Variants in SMAD2 observed in about 807,000 individuals in gnomAD.
SMAD2 encodes the protein SMAD family member 2, also known as MAD homolog 2.
In SMAD2, 8 loss-of-function variants were observed where a neutral mutation model predicts 64.4. The observed-to-expected ratio is 0.12, with a 90% CI of 0.07 to 0.22. SMAD2 has a LOEUF of 0.22. Ranked by LOEUF, SMAD2 falls within the 10% of genes least tolerant of loss-of-function variation. The pLI, the probability that SMAD2 is intolerant of heterozygous loss-of-function variation, is 1.00. For synonymous variants in SMAD2, 203 were observed against 195.8 expected (o/e 1.04, Z -0.31); for missense variants, 289 against 561.2 (o/e 0.51, Z 4.90).
At chr18:47,857,121 T>G (rs2030770936) in intron 6 of SMAD2, among the ~76,000 whole-genome samples, 1 of 152,212 alleles carries the variant, frequency 6.6e-6, no homozygotes, top group African/African-American at 2.4e-5. Context: ...CCTCCCAAAG[T>G]GACTATGCTA....
In SMAD2 at chr18:47,840,229, T is replaced by C. The variant is rs970087353; in HGVS notation, c.*1598A>G. 4.3e-6 allele frequency: 1 copy of C among 233,084 alleles called. No individual in the cohort carries two copies. Among genetic ancestry groups the C allele is most frequent in the African/African-American group, 2.2e-5 (1 of 45,446 alleles). The allele number at this position is 233,084 out of a possible 1,614,324, so 14.4% of individuals were successfully genotyped here. Reference sequence around the variant, plus strand: ...ACCTATAGAGACAGGTGGATATGATTTCAAAGAACAAGTACCAAAGACAGC... The same window carrying C: ...ACCTATAGAGACAGGTGGATATGATCTCAAAGAACAAGTACCAAAGACAGC... On this transcript the variant is annotated 3_prime_UTR_variant, in exon 11 of 11. Coordinates refer to ENST00000262160, the MANE Select transcript of SMAD2 (RefSeq NM_005901.6).
At chr18:47,859,241 GA>G (rs1195338906) in intron 6 of SMAD2, among the ~76,000 whole-genome samples, 2 of 152,010 alleles carry the variant, frequency 1.3e-5, no homozygotes, top group African/African-American at 4.8e-5. Context: ...TCTAAAATCA[GA>G]GCTGAAAATT....
In SMAD2 at chr18:47,815,210, C is replaced by T. The variant is rs576173473; in HGVS notation, c.*26617G>A. On this transcript the variant is annotated 3_prime_UTR_variant, in exon 11 of 11. Transcript: ENST00000262160. Reference sequence around the variant, plus strand: ...TAAGCCTGAGATAGGCTATTTGAATCGAAAGAGAACGTTATCTTTGATTGG... The same window carrying T: ...TAAGCCTGAGATAGGCTATTTGAATTGAAAGAGAACGTTATCTTTGATTGG... 3.3e-5 allele frequency: 5 copies of T among 152,308 alleles called. No individual in the cohort carries two copies. Among genetic ancestry groups the T allele is most frequent in the South Asian group, 2.1e-4 (1 of 4,826 alleles). The allele number at this position is 152,308 out of a possible 1,614,324, so 9.4% of individuals were successfully genotyped here. A position where few individuals can be genotyped will look rare whatever the true frequency, so the allele number is the denominator to read the frequency against.
Position 47,814,488 on chromosome 18 carries a change from G to A in SMAD2, c.*27339C>T, listed in dbSNP as rs1266545119. ...GGATAAGAGAAACTGAGAATACGATGTGAGAAGAGTCTCTTCATTAGGCAG... is the reference window on the plus strand; with the variant it reads ...GGATAAGAGAAACTGAGAATACGATATGAGAAGAGTCTCTTCATTAGGCAG... On this transcript the variant is annotated 3_prime_UTR_variant, in exon 11 of 11. Transcript: ENST00000262160. 2.0e-5 allele frequency: 3 copies of A among 152,220 alleles called. No homozygotes were observed. Among genetic ancestry groups the A allele is most frequent in the Admixed American group, 1.3e-4 (2 of 15,284 alleles). 9.4% of individuals were successfully genotyped at this position (152,220 alleles called of 1,614,324 possible).
chr18:47,898,986 G>A (rs1334285755), intron 1 of SMAD2, among the ~76,000 whole-genome samples: 2 of 151,896 alleles, frequency 1.3e-5, no homozygotes, highest in Non-Finnish European at 1.5e-5. Context: ...GAGCTGGGAC[G>A]GGTAGGACAA....
chr18:47,903,438 T>A (rs957885454), intron 1 of SMAD2, among the ~76,000 whole-genome samples: 1 of 151,968 alleles, frequency 6.6e-6, no homozygotes, highest in Non-Finnish European at 1.5e-5. Flanking sequence ...TTTCTCATGG[T>A]TCAGAAAGCT....
At chr18:47,900,274 A>C (rs534512848) in intron 1 of SMAD2, among the ~76,000 whole-genome samples, 1 of 152,160 alleles carries the variant, frequency 6.6e-6, no homozygotes, top group Non-Finnish European at 1.5e-5. Context: ...CTTACAGGAC[A>C]ACTCAACTAG....
chr18:47,919,186 T>C (rs187465223), intron 1 of SMAD2, among the ~76,000 whole-genome samples: 156 of 152,224 alleles, frequency 1.0e-3, no homozygotes, highest in African/African-American at 3.3e-3. Flanking sequence ...TTCGTAATTC[T>C]GGGCTTCATA....
intron 1 of SMAD2, among the ~76,000 whole-genome samples, chr18:47,905,381 T>C (rs554695467): frequency 9.1e-4 from 138 of 152,226 alleles, no homozygotes; most frequent in Non-Finnish European, 1.7e-3. Flanking sequence ...TCCAATTTGA[T>C]ATATGGATTC....
intron 2 of SMAD2, among the ~76,000 whole-genome samples, chr18:47,884,716 G>A (rs1362367025): frequency 1.3e-5 from 2 of 152,086 alleles, no homozygotes; most frequent in Non-Finnish European, 2.9e-5. Context: ...AATAGGCGGA[G>A]ACAACAGAAC....
intron 2 of SMAD2, among the ~76,000 whole-genome samples, chr18:47,884,180 GC>G (rs1568081343): frequency 1.3e-5 from 2 of 152,206 alleles, no homozygotes; most frequent in East Asian, 3.9e-4. Context: ...CCCTCTTGGT[GC>G]ATGTAATATA....
At chr18:47,900,099 T>A (rs192422400) in intron 1 of SMAD2, among the ~76,000 whole-genome samples, 1 of 152,160 alleles carries the variant, frequency 6.6e-6, no homozygotes, top group African/African-American at 2.4e-5. Flanking sequence ...ATGAGCTACA[T>A]ATGTACTTTA....
intron 2 of SMAD2, among the ~76,000 whole-genome samples, chr18:47,892,892 G>A (rs2033265049): frequency 6.6e-6 from 1 of 152,036 alleles, no homozygotes; most frequent in Non-Finnish European, 1.5e-5. Context: ...ATACATTTAT[G>A]TATAATCAAT....
In SMAD2 at chr18:47,820,295, T is replaced by C. The variant is rs1424200755; in HGVS notation, c.*21532A>G. 1 of 152,192 alleles carries C rather than the reference T, an allele frequency of 6.6e-6. No individual in the cohort carries two copies. Among genetic ancestry groups the C allele is most frequent in the Non-Finnish European group, 1.5e-5 (1 of 68,024 alleles). 9.4% of individuals were successfully genotyped at this position (152,192 alleles called of 1,614,324 possible). A position where few individuals can be genotyped will look rare whatever the true frequency, so the allele number is the denominator to read the frequency against. On this transcript the variant is annotated 3_prime_UTR_variant, in exon 11 of 11. Transcript: ENST00000262160. ...TATAACACTTCAAAATTTTGCTTCC[T>C]AGGTTTTCACTAAAAATTAAGGTTA...
At chr18:47,923,243 A>G (rs764240586) in intron 1 of SMAD2, among the ~76,000 whole-genome samples, 17 of 151,862 alleles carry the variant, frequency 1.1e-4, no homozygotes, top group Non-Finnish European at 1.5e-4. Context: ...GCACAAATAT[A>G]AAGTACAAGT....
intron 2 of SMAD2, among the ~76,000 whole-genome samples, chr18:47,887,233 A>C (rs1467183489): frequency 6.6e-6 from 1 of 152,236 alleles, no homozygotes; most frequent in Non-Finnish European, 1.5e-5. Flanking sequence ...ATTAACAATA[A>C]ATGTCTTCAG....
chr18:47,898,507 T>C (rs372657505), intron 1 of SMAD2, among the ~76,000 whole-genome samples: 2 of 152,158 alleles, frequency 1.3e-5, no homozygotes, highest in Admixed American at 6.5e-5. Flanking sequence ...TTAAAGAAGA[T>C]CCTAACACAA....
At chr18:47,875,815 A>C (rs190933515) in intron 2 of SMAD2, among the ~76,000 whole-genome samples, 5 of 152,260 alleles carry the variant, frequency 3.3e-5, no homozygotes. Flanking sequence ...TGTAAGACTA[A>C]ATGGATTAGG....
chr18:47,849,195 G>C (rs1298564534), intron 7 of SMAD2, among the ~76,000 whole-genome samples: 1 of 151,998 alleles, frequency 6.6e-6, no homozygotes, highest in Non-Finnish European at 1.5e-5. Context: ...CTCTTGGTGA[G>C]ATACCCTAGC....
Sources: gnomAD v4.1 joint callset for allele counts (sites outside exome capture counted in the v4.1 genomes callset) on GRCh38, gnomAD v4.1.1 for gene constraint, MANE v1.5 for transcripts, NCBI Gene and HGNC (gene_info 2026-07-23, HGNC 2026-07-21) for gene names.